The following CFH variants were observed in gnomAD, a reference collection of about 807,000 sequenced individuals.
The protein encoded by CFH is complement factor H.
A neutral mutation model predicts 147.3 loss-of-function variants in CFH; 53 were observed. That is an observed-to-expected ratio of 0.36 (90% CI 0.29 to 0.45). CFH has a LOEUF of 0.45. CFH is among the 20% of genes least tolerant of loss of function. The pLI, the probability that CFH is intolerant of heterozygous loss-of-function variation, is 1.00. For synonymous variants in CFH, 536 were observed against 489.4 expected (o/e 1.10, Z -1.26); for missense variants, 1,380 against 1,498.0 (o/e 0.92, Z 1.30).
chr1:196,671,384 AATGACAAAAGTTTATAT>A (rs1438475298), intron 1 of CFH, among the ~76,000 whole-genome samples: 1 of 151,966 alleles, frequency 6.6e-6, no homozygotes, highest in African/African-American at 2.4e-5. Context: ...AAAAACATGT[AATGACAAAAGTTTATAT>A]AACTTACTCT....
At chr1:196,744,825 T>C (rs1171028338) in intron 20 of CFH, among the ~76,000 whole-genome samples, 2 of 152,170 alleles carry the variant, frequency 1.3e-5, no homozygotes, top group African/African-American at 4.8e-5. Context: ...CTTTCTTTTA[T>C]CTGTTTTATT....
chr1:196,667,018 G>A (rs1003800282), intron 1 of CFH, among the ~76,000 whole-genome samples: 1 of 151,900 alleles, frequency 6.6e-6, no homozygotes, highest in Non-Finnish European at 1.5e-5. Flanking sequence ...GGTTAATAAT[G>A]TTGCTTATAT....
rs141048945 is a variant in CFH, at chr1:196,661,659, C to G, written c.58+9484C>G. ...CAGTGTCCCCACCTCCTAATACTAT[C>G]ACATTGGTAATTAGGTTTAAACATA... On this transcript the variant is annotated intron_variant, in intron 1 of 21. Transcript: ENST00000367429. 2.9e-3 allele frequency among the ~76,000 whole-genome samples: 446 copies of G among 152,290 alleles called. 2 individuals carry two copies. Among genetic ancestry groups the G allele is most frequent in the African/African-American group, 0.01 (427 of 41,544 alleles).
intron 15 of CFH, among the ~76,000 whole-genome samples, chr1:196,734,331 G>C (rs1669348735): frequency 6.6e-6 from 1 of 152,010 alleles, no homozygotes; most frequent in African/African-American, 2.4e-5. Context: ...TTCTTGGGTG[G>C]AAGAAGAGTC....
At chr1:196,705,759 G>A (rs923811076) in intron 9 of CFH, among the ~76,000 whole-genome samples, 2 of 152,040 alleles carry the variant, frequency 1.3e-5, no homozygotes, top group African/African-American at 4.8e-5. Context: ...AGTTCACTTT[G>A]GGTTAACCTA....
intron 1 of CFH, among the ~76,000 whole-genome samples, chr1:196,656,320 A>AAG (rs1416620240): frequency 1.3e-5 from 2 of 151,132 alleles, no homozygotes; most frequent in African/African-American, 4.9e-5. Flanking sequence ...AAAAAAAAAA[A>AAG]AAAGAAAGAA....
intron 9 of CFH, among the ~76,000 whole-genome samples, chr1:196,705,362 G>C (rs1668562563): frequency 6.6e-6 from 1 of 152,158 alleles, no homozygotes; most frequent in Non-Finnish European, 1.5e-5. Context: ...TCAGGACATG[G>C]CAGCAGCTGT....
At chr1:196,660,405 GT>G (rs1211766370) in intron 1 of CFH, among the ~76,000 whole-genome samples, 2 of 152,174 alleles carry the variant, frequency 1.3e-5, no homozygotes, top group Non-Finnish European at 2.9e-5. Flanking sequence ...TAAGTAAAAA[GT>G]GAAGTCATAG....
chr1:196,727,603 G>A (rs889008091), intron 14 of CFH, among the ~76,000 whole-genome samples: 4 of 152,006 alleles, frequency 2.6e-5, no homozygotes, highest in Admixed American at 2.0e-4. Flanking sequence ...GTTATTGTAT[G>A]GTATTCCTTT....
intron 9 of CFH, among the ~76,000 whole-genome samples, chr1:196,700,144 T>C (rs1404787199): frequency 6.6e-6 from 1 of 152,164 alleles, no homozygotes; most frequent in Admixed American, 6.6e-5. Context: ...TCAGCCCCCT[T>C]ACCCGAATCA....
At chr1:196,664,669 C>G (rs1667018536) in intron 1 of CFH, among the ~76,000 whole-genome samples, 1 of 152,158 alleles carries the variant, frequency 6.6e-6, no homozygotes, top group Non-Finnish European at 1.5e-5. Flanking sequence ...TATATACTGA[C>G]TTTCCTTCTT....
chr1:196,686,652 TTATCAGTA>T (rs1204252385), intron 7 of CFH, among the ~76,000 whole-genome samples: 1 of 152,138 alleles, frequency 6.6e-6, no homozygotes, highest in Non-Finnish European at 1.5e-5. Context: ...GAGGAAGCTA[TTATCAGTA>T]TGAAACATTT....
chr1:196,669,729 G>T (rs561901974), intron 1 of CFH, among the ~76,000 whole-genome samples: 1 of 152,202 alleles, frequency 6.6e-6, no homozygotes, highest in Admixed American at 6.5e-5. Context: ...CTCTACTAGG[G>T]CAATGAGCAA....
chr1:196,659,870 C>T (rs1666844605), intron 1 of CFH, among the ~76,000 whole-genome samples: 1 of 152,134 alleles, frequency 6.6e-6, no homozygotes, highest in Admixed American at 6.5e-5. Flanking sequence ...GAAAGTGTAT[C>T]TGAAGTGAGA....
At position 196,685,905 on chromosome 1, in the gene CFH, C is replaced by A. The variant is rs191309681; in HGVS notation, c.964+668C>A. ...CACTACTAGAAAGAACTACCTGAGA[C>A]TGGATAATTTATGAAGAAAAGAGGT... On this transcript the variant is annotated intron_variant, in intron 7 of 21. Coordinates refer to ENST00000367429, the MANE Select transcript of CFH (RefSeq NM_000186.4). 2.2e-3 allele frequency among the ~76,000 whole-genome samples: 329 copies of A among 152,172 alleles called. 1 individual carries two copies. Among genetic ancestry groups the A allele is most frequent in the African/African-American group, 7.7e-3 (320 of 41,516 alleles).
chr1:196,723,954 A>G (rs1669064556), intron 11 of CFH, among the ~76,000 whole-genome samples: 1 of 151,704 alleles, frequency 6.6e-6, no homozygotes, highest in African/African-American at 2.4e-5. Context: ...CCCTCTCTAC[A>G]TCCGTGCCCA....
intron 1 of CFH, among the ~76,000 whole-genome samples, chr1:196,655,705 A>G (rs1391758771): frequency 6.6e-6 from 1 of 152,016 alleles, no homozygotes; most frequent in Non-Finnish European, 1.5e-5. Flanking sequence ...TAGGCCTTTG[A>G]GATTCTGCCA....
intron 7 of CFH, 46 bp downstream of exon 7, chr1:196,685,283 C>A (rs1212220791): frequency 2.5e-6 from 4 of 1,582,440 alleles, no homozygotes; most frequent in East Asian, 2.2e-5. Context: ...TCTGAAATTT[C>A]TTTTAAACAC....
chr1:196,714,666 TATAGAGAGAGAG>T (rs1304844978), intron 10 of CFH, among the ~76,000 whole-genome samples: 16 of 28,352 alleles, frequency 5.6e-4, no homozygotes, highest in African/African-American at 1.7e-3. Context: ...TATATATATA[TATAGAGAGAGAG>T]AGAGAGAGAG....
Sources: allele counts gnomAD v4.1 joint callset (sites outside exome capture counted in the v4.1 genomes callset), GRCh38; gene constraint gnomAD v4.1.1; transcripts MANE v1.5; gene names NCBI Gene and HGNC (gene_info 2026-07-23, HGNC 2026-07-21).